PDZRN4: variants seen among roughly 807,000 people sequenced by gnomAD.
PDZRN4 encodes PDZ domain-containing RING finger protein 4.
In PDZRN4, 70 loss-of-function variants were observed where a neutral mutation model predicts 99.0. That is an observed-to-expected ratio of 0.71 (90% confidence interval 0.58 to 0.86). The LOEUF is 0.86. Among genes scored for constraint, PDZRN4 ranks in the 40% least tolerant of loss-of-function variants. PDZRN4 has a pLI of 0.00. For missense variants in PDZRN4, 1,474 were observed against 1,331.2 expected (o/e 1.11, Z -1.67); for synonymous variants, 551 against 501.6 (o/e 1.10, Z -1.32).
At chr12:41,226,159 A>T (rs1443765176) in intron 3 of PDZRN4, among the ~76,000 whole-genome samples, 2 of 152,042 alleles carry the variant, frequency 1.3e-5, no homozygotes, top group Non-Finnish European at 2.9e-5. Context: ...ATGTGTTACA[A>T]AATAAAGACC....
At chr12:41,512,873 C>A (rs1938331360) in intron 5 of PDZRN4, among the ~76,000 whole-genome samples, 1 of 151,994 alleles carries the variant, frequency 6.6e-6, no homozygotes, top group Non-Finnish European at 1.5e-5. Context: ...ATTTTAATGG[C>A]AAAATATTAC....
At chr12:41,304,270 G>A (rs1951555519) in intron 3 of PDZRN4, among the ~76,000 whole-genome samples, 1 of 152,142 alleles carries the variant, frequency 6.6e-6, no homozygotes. Flanking sequence ...GGAGTTAAGT[G>A]ATTATGCAGT....
At chr12:41,395,549 C>T (rs1952240218) in intron 3 of PDZRN4, among the ~76,000 whole-genome samples, 1 of 152,098 alleles carries the variant, frequency 6.6e-6, no homozygotes, top group Admixed American at 6.6e-5. Context: ...GTCCAAAAGT[C>T]ATATTTCATT....
chr12:41,477,114 T>G (rs1393775812), intron 3 of PDZRN4, among the ~76,000 whole-genome samples: 1 of 152,180 alleles, frequency 6.6e-6, no homozygotes, highest in African/African-American at 2.4e-5. Context: ...CCTCTACACC[T>G]CCCATTAAGA....
intron 3 of PDZRN4, among the ~76,000 whole-genome samples, chr12:41,435,621 T>C (rs1335301974): frequency 6.6e-6 from 1 of 152,030 alleles, no homozygotes; most frequent in East Asian, 1.9e-4. Flanking sequence ...ACCCCGTCTC[T>C]ACTAAAAATA....
intron 5 of PDZRN4, among the ~76,000 whole-genome samples, chr12:41,549,651 T>C (rs1388466651): frequency 1.3e-5 from 2 of 152,208 alleles, no homozygotes; most frequent in Non-Finnish European, 2.9e-5. Context: ...TAAGGCTTTG[T>C]ATTTTCAGCC....
At chr12:41,326,606 G>A (rs1951711115) in intron 3 of PDZRN4, among the ~76,000 whole-genome samples, 1 of 152,108 alleles carries the variant, frequency 6.6e-6, no homozygotes, top group Non-Finnish European at 1.5e-5. Context: ...CTCAGCAAGG[G>A]CGAGAGGATC....
chr12:41,378,839 T>C (rs1395819523), intron 3 of PDZRN4, among the ~76,000 whole-genome samples: 1 of 152,120 alleles, frequency 6.6e-6, no homozygotes, highest in Non-Finnish European at 1.5e-5. Flanking sequence ...TTCAATTTTT[T>C]TGGAGAAGCT....
At chr12:41,370,294 GTT>G (rs1952031613) in intron 3 of PDZRN4, among the ~76,000 whole-genome samples, 1 of 151,718 alleles carries the variant, frequency 6.6e-6, no homozygotes, top group African/African-American at 2.4e-5. Context: ...CTTGCATTTT[GTT>G]TTTCATACTG....
At chr12:41,418,870 A>G (rs1199312532) in intron 3 of PDZRN4, among the ~76,000 whole-genome samples, 1 of 152,184 alleles carries the variant, frequency 6.6e-6, no homozygotes, top group Non-Finnish European at 1.5e-5. Context: ...GCTGTCTCAG[A>G]TCAGCATCTA....
intron 3 of PDZRN4, among the ~76,000 whole-genome samples, chr12:41,247,947 C>G (rs183869595): frequency 7.2e-6 from 1 of 138,006 alleles, no homozygotes; most frequent in African/African-American, 2.6e-5. Flanking sequence ...GGCATTAATC[C>G]ATGTGCTGAA....
chr12:41,552,848 T>G, intron 6 of PDZRN4, 94 bp downstream of exon 6: 1 of 928,538 alleles, frequency 1.1e-6, no homozygotes, highest in Non-Finnish European at 1.7e-6. Context: ...TTCAGAGGCT[T>G]GAATGTGAAG....
chr12:41,372,397 T>A (rs751546282), intron 3 of PDZRN4, among the ~76,000 whole-genome samples: 3 of 152,092 alleles, frequency 2.0e-5, no homozygotes, highest in Non-Finnish European at 4.4e-5. Flanking sequence ...TAGATAATAA[T>A]TAAATAAGCA....
chr12:41,209,906 C>A (rs983945845), intron 3 of PDZRN4, among the ~76,000 whole-genome samples: 1 of 147,952 alleles, frequency 6.8e-6, no homozygotes, highest in Admixed American at 6.9e-5. Flanking sequence ...GTTCTAGATC[C>A]CTGAGGAATC....
chr12:41,445,654 A>G (rs1260427164), intron 3 of PDZRN4, among the ~76,000 whole-genome samples: 1 of 148,112 alleles, frequency 6.8e-6, no homozygotes, highest in Non-Finnish European at 1.5e-5. Context: ...TGAAGATTCT[A>G]TACTCTTGAC....
intron 3 of PDZRN4, among the ~76,000 whole-genome samples, chr12:41,352,845 C>G (rs1250789538): frequency 6.6e-6 from 1 of 152,028 alleles, no homozygotes; most frequent in Non-Finnish European, 1.5e-5. Flanking sequence ...ATGATGGTTG[C>G]AATCTGAGGA....
intron 3 of PDZRN4, among the ~76,000 whole-genome samples, chr12:41,405,646 T>C (rs1952341438): frequency 6.6e-6 from 1 of 152,174 alleles, no homozygotes. Context: ...ACACATGCGC[T>C]CATGTATTTA....
chr12:41,190,251 A>G (rs1398190574), intron 1 of PDZRN4, among the ~76,000 whole-genome samples: 2 of 152,226 alleles, frequency 1.3e-5, no homozygotes, highest in Non-Finnish European at 2.9e-5. Context: ...GAGAGGGACT[A>G]AAATGTTTCT....
At chr12:41,446,078 G>C (rs77300365) in intron 3 of PDZRN4, among the ~76,000 whole-genome samples, 1 of 151,890 alleles carries the variant, frequency 6.6e-6, no homozygotes, top group Admixed American at 6.6e-5. Flanking sequence ...AAGCTTAAAA[G>C]GTAGCAGCCC....
Sources: allele counts gnomAD v4.1 joint callset (sites outside exome capture counted in the v4.1 genomes callset), GRCh38; gene constraint gnomAD v4.1.1; transcripts MANE v1.5; gene names NCBI Gene and HGNC (gene_info 2026-07-23, HGNC 2026-07-21).